BTBD7: variants seen among roughly 807,000 people sequenced by gnomAD.
BTBD7 encodes the protein BTB domain containing 7.
A neutral mutation model predicts 99.9 loss-of-function variants in BTBD7; 38 were observed. The ratio of observed to expected loss-of-function variants is 0.38; its 90% confidence interval spans 0.29 to 0.50. The LOEUF is 0.50. Among genes scored for constraint, BTBD7 ranks in the 20% least tolerant of loss-of-function variants. BTBD7 has a pLI of 0.93. For synonymous variants in BTBD7, 520 were observed against 511.4 expected, an observed-to-expected ratio of 1.02 and a Z score of -0.23; for missense variants, 1,170 against 1,394.6, an observed-to-expected ratio of 0.84 and a Z score of 2.57.
At chr14:93,255,186 C>A (rs758501841) in intron 6 of BTBD7, among the ~76,000 whole-genome samples, 3 of 152,148 alleles carry the variant, frequency 2.0e-5, no homozygotes, top group Non-Finnish European at 4.4e-5. Flanking sequence ...CACTCTGTTG[C>A]CCAGGCTGGA....
intron 7 of BTBD7, among the ~76,000 whole-genome samples, chr14:93,252,291 C>T (rs1286693905): frequency 1.4e-5 from 2 of 145,996 alleles, no homozygotes; most frequent in African/African-American, 2.5e-5. Flanking sequence ...GCCTGGATGA[C>T]AAGAGTGAAA....
chr14:93,305,939 C>T (rs1237719617), intron 1 of BTBD7, among the ~76,000 whole-genome samples: 10 of 152,168 alleles, frequency 6.6e-5, no homozygotes, highest in Admixed American at 6.6e-4. Flanking sequence ...ATAAAGCCAC[C>T]AGCCCCATTA....
intron 1 of BTBD7, among the ~76,000 whole-genome samples, chr14:93,311,577 G>T (rs2053138215): frequency 6.6e-6 from 1 of 151,978 alleles, no homozygotes; most frequent in Non-Finnish European, 1.5e-5. Flanking sequence ...CAGGTTTATA[G>T]GGTTTTTACT....
intron 4 of BTBD7, among the ~76,000 whole-genome samples, chr14:93,262,261 T>C (rs904952185): frequency 3.9e-5 from 6 of 152,036 alleles, no homozygotes; most frequent in African/African-American, 1.4e-4. Flanking sequence ...GTCTCCCAAG[T>C]AGCTGGGACT....
chr14:93,275,957 T>C (rs1376759610), intron 3 of BTBD7, among the ~76,000 whole-genome samples: 2 of 152,226 alleles, frequency 1.3e-5, no homozygotes, highest in African/African-American at 4.8e-5. Context: ...CTCACGCCTG[T>C]AGTCCCAGCA....
chr14:93,239,362 T>C lies in BTBD7; in HGVS notation c.*2911A>G, dbSNP rs551059209. ...TCCACGATCTCAAAAGGAGATCTGG[T>C]ATTTTTGTGATTTGGTTCTCATTAA... On this transcript the variant is annotated 3_prime_UTR_variant, in exon 11 of 11. Transcript: ENST00000334746. The C allele has an allele frequency of 3.3e-5, 5 of 152,638 alleles. No homozygotes were observed. In the East Asian group the frequency reaches 9.7e-4, roughly 29 times the overall value. 9.5% of individuals were successfully genotyped at this position (152,638 alleles called of 1,614,324 possible).
chr14:93,242,338 A>C lies in BTBD7; in HGVS notation c.3334T>G (p.Ser1112Ala), dbSNP rs756545835. The change falls in exon 11 of 11, where the codon TCA becomes GCA. Residue 1112 changes from serine to alanine, a missense_variant. Around this residue, in one of 4 missense-constraint regions of BTBD7, gnomAD observed 495 missense variants for 525.9 expected, o/e 0.94. Transcript: ENST00000334746. ...QRNTDLEREDSISRGRRSPSK... is the reference protein window; with the variant it reads ...QRNTDLEREDAISRGRRSPSK... Reference sequence around the variant, plus strand: ...GGTGACCTCCTTCCTCTGCTTATTGAATCTTCCCTTTCCAAATCTGTATTT... The same window carrying C: ...GGTGACCTCCTTCCTCTGCTTATTGCATCTTCCCTTTCCAAATCTGTATTT... 2 of 1,614,122 alleles carry C rather than the reference A, an allele frequency of 1.2e-6. No individual in the cohort carries two copies. The highest frequency in any genetic ancestry group is 1.7e-5 in the Admixed American group (1 of 60,022).
intron 3 of BTBD7, among the ~76,000 whole-genome samples, chr14:93,264,999 G>A (rs572370789): frequency 6.6e-6 from 1 of 152,306 alleles, no homozygotes; most frequent in East Asian, 1.9e-4. Flanking sequence ...TAAGGCAGGA[G>A]AATCACTTGA....
chr14:93,332,831 C>T lies in BTBD7; in HGVS notation c.-118G>A, dbSNP rs890585285. ...CAAGGGACACTCACCCCGGAGGCTCCTCCCGCCGCTGCTGCTGCCGCTGGG... is the reference window on the plus strand; with the variant it reads ...CAAGGGACACTCACCCCGGAGGCTCTTCCCGCCGCTGCTGCTGCCGCTGGG... On this transcript the variant is annotated 5_prime_UTR_variant, in exon 1 of 11. Coordinates refer to ENST00000334746, the MANE Select transcript of BTBD7 (RefSeq NM_001002860.4). 3.2e-5 allele frequency: 48 copies of T among 1,477,478 alleles called. No homozygotes were observed. Among genetic ancestry groups the T allele is most frequent in the Non-Finnish European group, 4.1e-5 (46 of 1,120,432 alleles). 91.5% of individuals were successfully genotyped at this position (1,477,478 alleles called of 1,614,324 possible).
rs1468699505 is a variant in BTBD7, at chr14:93,240,893, C to A, written c.*1380G>T. 6.6e-6 allele frequency: 1 copy of A among 152,472 alleles called. No homozygotes were observed. The highest frequency in any genetic ancestry group is 1.5e-5 in the Non-Finnish European group (1 of 67,978). 9.4% of individuals were successfully genotyped at this position (152,472 alleles called of 1,614,324 possible). The stretch of plus-strand genomic sequence containing the variant: ...CTGAAAACAATTTTTTTCCTTTTTT[C>A]TGTTGGTGAGAAAGCATTATGCATT... On this transcript the variant is annotated 3_prime_UTR_variant, in exon 11 of 11. Transcript: ENST00000334746.
intron 1 of BTBD7, among the ~76,000 whole-genome samples, chr14:93,302,034 G>C (rs964402168): frequency 1.3e-5 from 2 of 152,194 alleles, no homozygotes; most frequent in Admixed American, 1.3e-4. Context: ...AGAGTATGCA[G>C]GTTAGCAAGG....
intron 1 of BTBD7, among the ~76,000 whole-genome samples, chr14:93,332,517 A>T (rs1595352530): frequency 1.4e-5 from 2 of 143,728 alleles, no homozygotes; most frequent in Non-Finnish European, 3.1e-5. Context: ...TGCCGTCGCG[A>T]CTCCCTCGGG....
At chr14:93,324,106 C>G (rs551689837) in intron 1 of BTBD7, among the ~76,000 whole-genome samples, 1 of 152,236 alleles carries the variant, frequency 6.6e-6, no homozygotes, top group South Asian at 2.1e-4. Context: ...GTAAAGGTAT[C>G]ATAACTTGAT....
chr14:93,245,686 C>A (rs2052295917), intron 10 of BTBD7, 139 bp downstream of exon 10: 1 of 1,435,430 alleles, frequency 7.0e-7, no homozygotes, highest in Non-Finnish European at 9.3e-7. Flanking sequence ...CTTTTCCATA[C>A]CCCTCAAGTC....
intron 3 of BTBD7, among the ~76,000 whole-genome samples, chr14:93,283,753 T>C (rs1332327792): frequency 1.3e-5 from 2 of 152,198 alleles, no homozygotes; most frequent in African/African-American, 2.4e-5. Context: ...GGTTTCACTA[T>C]GTTGGTCAGG....
intron 3 of BTBD7, among the ~76,000 whole-genome samples, chr14:93,270,305 A>G (rs535094939): frequency 6.6e-6 from 1 of 152,164 alleles, no homozygotes; most frequent in South Asian, 2.1e-4. Flanking sequence ...CATGTTGGCC[A>G]GGCTAGTCTT....
At chr14:93,284,559 G>A (rs2052756442) in intron 3 of BTBD7, among the ~76,000 whole-genome samples, 1 of 151,864 alleles carries the variant, frequency 6.6e-6, no homozygotes, top group Admixed American at 6.6e-5. Flanking sequence ...CAGTGTGCTA[G>A]GTTCTCAGGT....
At position 93,268,756 on chromosome 14, in the gene BTBD7, C is replaced by CTT. The variant is rs61483726; in HGVS notation, c.1163-4765_1163-4764dup. ...AGCCTTTTATGCCTCTAACTTAGAC[C>CTT]TTTTTTTTTTTTTTTTTTTTTGAGA... On this transcript the variant is annotated intron_variant, in intron 3 of 10. Transcript: ENST00000334746. Among the ~76,000 whole-genome samples, 562 of 120,888 alleles carry CTT rather than the reference C, an allele frequency of 4.6e-3. 3 individuals carry two copies. Among genetic ancestry groups the CTT allele is most frequent in the South Asian group, 8.5e-3 (31 of 3,642 alleles). The allele number at this position is 120,888 out of a possible 152,430, so 79.3% of individuals were successfully genotyped here.
rs528284307 is a variant in BTBD7 at position 93,278,913 on chromosome 14, C to T, written c.1163-14920G>A. Among the ~76,000 whole-genome samples the T allele has an allele frequency of 1.1e-4, 16 of 152,266 alleles. No individual in the cohort carries two copies. The East Asian group carries it at 3.1e-3, about 29-fold the overall frequency. ...AGGAAAAACCTACCACAGAGGACAA[C>T]GTGAGTAAAGTGCTTGACACAGTGC... On this transcript the variant is annotated intron_variant, in intron 3 of 10. Transcript: ENST00000334746.
Sources: allele counts gnomAD v4.1 joint callset (sites outside exome capture counted in the v4.1 genomes callset), GRCh38; gene constraint gnomAD v4.1.1; regional missense constraint gnomAD v4.1.1; transcripts MANE v1.5; gene names NCBI Gene and HGNC (gene_info 2026-07-23, HGNC 2026-07-21).